The following CDH4 variants were observed in gnomAD, a reference collection of about 807,000 sequenced individuals.
CDH4 encodes cadherin 4.
CDH4 carries 33 observed loss-of-function variants against 86.0 expected under a neutral mutation model. The ratio of observed to expected loss-of-function variants is 0.38; its 90% confidence interval spans 0.29 to 0.51. The LOEUF (loss-of-function observed/expected upper bound fraction) is 0.51, where lower values mean the gene tolerates loss of function less well. Among genes scored for constraint, CDH4 ranks in the 20% least tolerant of loss-of-function variants. The pLI, the probability that CDH4 is intolerant of heterozygous loss-of-function variation, is 0.86. For missense variants in CDH4, 1,114 were observed against 1,307.4 expected, an observed-to-expected ratio of 0.85 and a Z score of 2.28; for synonymous variants, 555 against 549.4, an observed-to-expected ratio of 1.01 and a Z score of -0.14.
At chr20:61,363,321 G>A (rs2084794319) in intron 2 of CDH4, among the ~76,000 whole-genome samples, 1 of 152,008 alleles carries the variant, frequency 6.6e-6, no homozygotes, top group African/African-American at 2.4e-5. Flanking sequence ...TACTGTGCAG[G>A]GTTTGGGGGA....
intron 4 of CDH4, among the ~76,000 whole-genome samples, chr20:61,790,033 T>C (rs1456293407): frequency 4.1e-4 from 63 of 152,148 alleles, no homozygotes; most frequent in Admixed American, 4.1e-3. Context: ...GTCTATTACA[T>C]TAGGTTAGTG....
chr20:61,420,036 G>A (rs2085168612), intron 2 of CDH4, among the ~76,000 whole-genome samples: 1 of 152,242 alleles, frequency 6.6e-6, no homozygotes, highest in Admixed American at 6.5e-5. Flanking sequence ...CTTAGTGGGA[G>A]TTGTACCAAG....
At chr20:61,255,027 T>C in intron 2 of CDH4, 90 bp downstream of exon 2, 1 of 788,254 alleles carries the variant, frequency 1.3e-6, no homozygotes, top group Non-Finnish European at 2.3e-6. Flanking sequence ...GCTTGCCTCA[T>C]CTTTGTGCTC....
chr20:61,336,929 G>A (rs1349388735), intron 2 of CDH4, among the ~76,000 whole-genome samples: 1 of 152,160 alleles, frequency 6.6e-6, no homozygotes, highest in African/African-American at 2.4e-5. Flanking sequence ...AAGACAGGTG[G>A]TCTGGGTGGG....
chr20:61,896,846 C>T (rs1297876041), intron 8 of CDH4, among the ~76,000 whole-genome samples: 1 of 152,166 alleles, frequency 6.6e-6, no homozygotes, highest in Non-Finnish European at 1.5e-5. Context: ...CAGGGCTGCA[C>T]CCACACAGCT....
At chr20:61,573,688 C>T (rs1267187735) in intron 2 of CDH4, among the ~76,000 whole-genome samples, 3 of 152,160 alleles carry the variant, frequency 2.0e-5, no homozygotes, top group Admixed American at 6.5e-5. Context: ...GCTGACCCCC[C>T]ATCCACACGG....
intron 2 of CDH4, among the ~76,000 whole-genome samples, chr20:61,579,843 C>T (rs961956545): frequency 2.6e-5 from 4 of 151,994 alleles, no homozygotes; most frequent in Non-Finnish European, 4.4e-5. Context: ...TGAATGCAAA[C>T]GTCCCTCTAT....
chr20:61,666,223 G>T (rs148359268), intron 2 of CDH4, among the ~76,000 whole-genome samples: 1 of 152,204 alleles, frequency 6.6e-6, no homozygotes, highest in Admixed American at 6.5e-5. Flanking sequence ...GCCACACTTT[G>T]TCCAACAGCA....
chr20:61,578,279 G>C (rs565270798), intron 2 of CDH4, among the ~76,000 whole-genome samples: 28 of 152,270 alleles, frequency 1.8e-4, no homozygotes, highest in Middle Eastern at 6.8e-3. Flanking sequence ...CAGGGCACTG[G>C]GGGGGAATGA....
rs912629750 is a variant in CDH4 at position 61,417,675 on chromosome 20, A to G, written c.169+162738A>G. The stretch of plus-strand genomic sequence containing the variant: ...AATTTCTAGCCGCTTCCCTCTCAGA[A>G]CATGCATTTCTCCTGACTTGTATTA... On this transcript the variant is annotated intron_variant, in intron 2 of 15. Coordinates refer to ENST00000614565, the MANE Select transcript of CDH4 (RefSeq NM_001794.5). The surrounding 1 kb of genome is among the most constrained non-coding windows in gnomAD (Gnocchi z 4.0). Among the ~76,000 whole-genome samples, 2 of 152,166 alleles carry G rather than the reference A, an allele frequency of 1.3e-5. No homozygotes were observed. The highest frequency in any genetic ancestry group is 2.9e-5 in the Non-Finnish European group (2 of 68,034).
intron 2 of CDH4, among the ~76,000 whole-genome samples, chr20:61,542,295 G>A (rs1229521972): frequency 6.6e-6 from 1 of 152,122 alleles, no homozygotes; most frequent in Non-Finnish European, 1.5e-5. Context: ...TTTCTAAAGT[G>A]GATTCCTGGA....
intron 2 of CDH4, among the ~76,000 whole-genome samples, chr20:61,347,101 G>C (rs6028139): frequency 3.9e-5 from 6 of 152,118 alleles, no homozygotes; most frequent in Non-Finnish European, 8.8e-5. Context: ...TGTAGGGCCC[G>C]AACTCCCAGC....
intron 2 of CDH4, among the ~76,000 whole-genome samples, chr20:61,662,663 A>G (rs2087272648): frequency 1.3e-5 from 2 of 152,152 alleles, no homozygotes; most frequent in Non-Finnish European, 2.9e-5. Context: ...GGCTGATTAG[A>G]GAGAGGAACG....
At chr20:61,837,211 C>T (rs1201739035) in intron 4 of CDH4, among the ~76,000 whole-genome samples, 1 of 152,150 alleles carries the variant, frequency 6.6e-6, no homozygotes, top group Non-Finnish European at 1.5e-5. Context: ...CGGGGTTTCA[C>T]TTAGCACTTG....
chr20:61,746,341 C>T (rs1007358604), intron 3 of CDH4, among the ~76,000 whole-genome samples: 2 of 152,162 alleles, frequency 1.3e-5, no homozygotes, highest in African/African-American at 4.8e-5. Context: ...CCAGGAGACC[C>T]GGTCCTCCAG....
intron 2 of CDH4, among the ~76,000 whole-genome samples, chr20:61,665,392 A>C (rs2087311752): frequency 6.6e-6 from 1 of 152,346 alleles, no homozygotes; most frequent in African/African-American, 2.4e-5. Context: ...CAGTTAAGCG[A>C]TGCTAAAAAC....
At chr20:61,499,436 T>C (rs2145598062) in intron 2 of CDH4, 1 of 1,289,002 alleles carries the variant, frequency 7.8e-7, no homozygotes, top group South Asian at 1.2e-5. Flanking sequence ...AAGGATTCGA[T>C]GAACGGCAGC....
At chr20:61,806,422 C>G (rs564479259) in intron 4 of CDH4, among the ~76,000 whole-genome samples, 21 of 152,356 alleles carry the variant, frequency 1.4e-4, no homozygotes, top group African/African-American at 4.3e-4. Context: ...CAGGAGGGCA[C>G]CAGAAACACA....
intron 7 of CDH4, among the ~76,000 whole-genome samples, chr20:61,875,937 A>AACACACACAC (rs34781850): frequency 6.6e-6 from 1 of 151,158 alleles, no homozygotes; most frequent in African/African-American, 2.4e-5. Context: ...GCGCTCCCCC[A>AACACACACAC]ACACACACAC....
Sources: gnomAD v4.1 joint callset for allele counts (sites outside exome capture counted in the v4.1 genomes callset) on GRCh38, gnomAD v4.1.1 for gene constraint, Gnocchi (gnomAD v3.1) non-coding constraint, MANE v1.5 for transcripts, NCBI Gene and HGNC (gene_info 2026-07-23, HGNC 2026-07-21) for gene names.